AGBL1: variants seen among roughly 807,000 people sequenced by gnomAD.
The protein encoded by AGBL1 is AGBL carboxypeptidase 1.
Under a neutral mutation model 118.9 loss-of-function variants are expected in AGBL1, and 130 were observed. The ratio of observed to expected loss-of-function variants is 1.09; its 90% confidence interval spans 0.95 to 1.26. The LOEUF (loss-of-function observed/expected upper bound fraction) is 1.26, where lower values mean the gene tolerates loss of function less well. AGBL1 is among the 50% of genes most tolerant of loss of function. The pLI, the probability that AGBL1 is intolerant of heterozygous loss-of-function variation, is 0.00. For missense variants in AGBL1, 1,584 were observed against 1,298.1 expected (o/e 1.22, Z -3.38); for synonymous variants, 555 against 478.9 (o/e 1.16, Z -2.08).
At chr15:86,526,552 A>ATG (rs2083265898) in intron 19 of AGBL1, among the ~76,000 whole-genome samples, 1 of 136,954 alleles carries the variant, frequency 7.3e-6, no homozygotes, top group Non-Finnish European at 1.5e-5. Context: ...GTGTATATAT[A>ATG]TATATATATA....
intron 17 of AGBL1, among the ~76,000 whole-genome samples, chr15:86,391,587 C>G (rs377596436): frequency 6.8e-6 from 1 of 147,388 alleles, no homozygotes; most frequent in Non-Finnish European, 1.5e-5. Flanking sequence ...CTATCTAATT[C>G]TTCAGCTCCA....
chr15:86,212,476 T>C (rs112357044), intron 5 of AGBL1, among the ~76,000 whole-genome samples: 25 of 152,166 alleles, frequency 1.6e-4, no homozygotes, highest in African/African-American at 6.0e-4. Context: ...GGAAAAGGCT[T>C]TCTAAAGAAT....
intron 15 of AGBL1, among the ~76,000 whole-genome samples, chr15:86,274,785 A>G (rs2079220047): frequency 6.6e-6 from 1 of 152,218 alleles, no homozygotes; most frequent in Non-Finnish European, 1.5e-5. Context: ...CGAGACAGCC[A>G]TGCCAATCCC....
At chr15:86,169,189 G>A (rs2077381445) in intron 5 of AGBL1, among the ~76,000 whole-genome samples, 1 of 152,166 alleles carries the variant, frequency 6.6e-6, no homozygotes, top group Admixed American at 6.6e-5. Flanking sequence ...AAACCAAGGT[G>A]CATAGCATTT....
At chr15:86,141,509 G>T (rs932139588) in intron 1 of AGBL1, among the ~76,000 whole-genome samples, 1 of 152,192 alleles carries the variant, frequency 6.6e-6, no homozygotes, top group Non-Finnish European at 1.5e-5. Context: ...AAACTAGCCA[G>T]GGGTGGTGGC....
chr15:86,096,698 A>G (rs1436068989), intron 1 of AGBL1, among the ~76,000 whole-genome samples: 1 of 152,222 alleles, frequency 6.6e-6, no homozygotes, highest in African/African-American at 2.4e-5. Flanking sequence ...AAATGTAGCC[A>G]TGATGAATAG....
At chr15:87,011,161 G>T (rs2081555423) in intron 24 of AGBL1, among the ~76,000 whole-genome samples, 1 of 152,166 alleles carries the variant, frequency 6.6e-6, no homozygotes, top group African/African-American at 2.4e-5. Context: ...AACCTGCCTT[G>T]TCTTTGCACT....
intron 18 of AGBL1, among the ~76,000 whole-genome samples, chr15:86,428,001 C>T (rs992838266): frequency 2.6e-5 from 4 of 152,186 alleles, no homozygotes; most frequent in Admixed American, 1.3e-4. Context: ...ATTCAGGTAT[C>T]TCTGACCCTC....
At chr15:86,664,306 G>C (rs1408895160) in intron 21 of AGBL1, among the ~76,000 whole-genome samples, 2 of 152,166 alleles carry the variant, frequency 1.3e-5, no homozygotes, top group African/African-American at 4.8e-5. Flanking sequence ...GATAAGTGGA[G>C]AAGCCACAGA....
intron 22 of AGBL1, among the ~76,000 whole-genome samples, chr15:86,758,893 A>C: frequency 6.8e-6 from 1 of 147,564 alleles, no homozygotes; most frequent in East Asian, 2.0e-4. Flanking sequence ...GGATTGTTTG[A>C]GCCTGGGAGG....
intron 21 of AGBL1, among the ~76,000 whole-genome samples, chr15:86,567,557 C>T (rs1024424127): frequency 2.0e-5 from 3 of 152,164 alleles, no homozygotes; most frequent in Non-Finnish European, 2.9e-5. Flanking sequence ...ATTTAAAAGG[C>T]TATTCTAATT....
chr15:86,727,567 A>C (rs1047157362), intron 22 of AGBL1, among the ~76,000 whole-genome samples: 2 of 152,224 alleles, frequency 1.3e-5, no homozygotes, highest in African/African-American at 4.8e-5. Flanking sequence ...AAAAAAAACT[A>C]AATTGCTTTC....
chr15:86,597,564 A>G (rs889084505), intron 21 of AGBL1, among the ~76,000 whole-genome samples: 3 of 152,194 alleles, frequency 2.0e-5, no homozygotes, highest in African/African-American at 7.2e-5. Context: ...TCCTAAGCAT[A>G]TAGCTCCTAA....
intron 1 of AGBL1, among the ~76,000 whole-genome samples, chr15:86,090,516 C>A (rs1895951563): frequency 1.3e-5 from 2 of 152,130 alleles, no homozygotes; most frequent in Admixed American, 1.3e-4. Flanking sequence ...GCTTTTCCTG[C>A]ATACCAATGT....
intron 17 of AGBL1, among the ~76,000 whole-genome samples, chr15:86,333,075 A>G (rs561007080): frequency 1.6e-4 from 24 of 152,182 alleles, no homozygotes; most frequent in Non-Finnish European, 1.3e-4. Flanking sequence ...CTAAATACCT[A>G]CCTCAAAAAG....
intron 24 of AGBL1, among the ~76,000 whole-genome samples, chr15:87,016,702 G>T (rs2081610627): frequency 1.3e-5 from 2 of 152,106 alleles, no homozygotes; most frequent in African/African-American, 2.4e-5. Flanking sequence ...AGAAAAGCAG[G>T]ATGGGGTGAT....
intron 17 of AGBL1, among the ~76,000 whole-genome samples, chr15:86,320,145 A>T (rs1224427892): frequency 6.6e-6 from 1 of 152,196 alleles, no homozygotes; most frequent in Non-Finnish European, 1.5e-5. Context: ...CAAAAATATA[A>T]AATGTCTATT....
chr15:86,692,146 C>G (rs1279273579), intron 22 of AGBL1, among the ~76,000 whole-genome samples: 4 of 151,882 alleles, frequency 2.6e-5, no homozygotes, highest in Admixed American at 2.0e-4. Flanking sequence ...CCACTGCACT[C>G]CAGCCTGGGT....
chr15:86,097,300 G>C (rs1896440556), intron 1 of AGBL1, among the ~76,000 whole-genome samples: 2 of 152,100 alleles, frequency 1.3e-5, no homozygotes, highest in Admixed American at 1.3e-4. Context: ...AGTATTTGTT[G>C]TTTCTGTATG....
Sources: gnomAD v4.1 joint callset for allele counts (sites outside exome capture counted in the v4.1 genomes callset) on GRCh38, gnomAD v4.1.1 for gene constraint, MANE v1.5 for transcripts, NCBI Gene and HGNC (gene_info 2026-07-23, HGNC 2026-07-21) for gene names.